Variants in HDAC9 observed in about 807,000 individuals in gnomAD.
HDAC9 encodes the protein MEF-2 interacting transcription repressor (MITR) protein.
A neutral mutation model predicts 139.4 loss-of-function variants in HDAC9; 41 were observed. That is an observed-to-expected ratio of 0.29 (90% CI 0.23 to 0.38). HDAC9 has a LOEUF of 0.38. Among genes scored for constraint, HDAC9 ranks in the 10% least tolerant of loss-of-function variants. The pLI is 1.00. For synonymous variants in HDAC9, 517 were observed against 476.2 expected (o/e 1.09, Z -1.12); for missense variants, 1,147 against 1,297.0 (o/e 0.88, Z 1.78).
At chr7:18,489,838 G>T (rs528736957) in intron 1 of HDAC9, among the ~76,000 whole-genome samples, 1 of 152,104 alleles carries the variant, frequency 6.6e-6, no homozygotes, top group South Asian at 2.1e-4. Context: ...CTTGAGTGCT[G>T]CAGAGAGGGG....
At chr7:18,457,447 G>C (rs1793442382) in intron 1 of HDAC9, among the ~76,000 whole-genome samples, 1 of 152,044 alleles carries the variant, frequency 6.6e-6, no homozygotes, top group Non-Finnish European at 1.5e-5. Flanking sequence ...AATTTGATTT[G>C]CCTTCAAAAT....
intron 2 of HDAC9, among the ~76,000 whole-genome samples, chr7:18,272,498 G>C (rs1176625879): frequency 6.6e-6 from 1 of 152,052 alleles, no homozygotes; most frequent in Non-Finnish European, 1.5e-5. Context: ...TGTTTAATGA[G>C]ATGTGTATAG....
At chr7:18,178,140 G>T (rs936483158) in intron 2 of HDAC9, among the ~76,000 whole-genome samples, 2 of 149,608 alleles carry the variant, frequency 1.3e-5, no homozygotes, top group African/African-American at 4.9e-5. Flanking sequence ...CTGGAGTGCA[G>T]TGGCACAATC....
chr7:18,451,507 T>G (rs1379141497), intron 1 of HDAC9, among the ~76,000 whole-genome samples: 3 of 151,548 alleles, frequency 2.0e-5, no homozygotes, highest in Admixed American at 2.0e-4. Flanking sequence ...TAGATAGATA[T>G]GCATAAATAA....
chr7:18,171,372 A>G (rs1788426147), intron 2 of HDAC9, among the ~76,000 whole-genome samples: 2 of 152,170 alleles, frequency 1.3e-5, no homozygotes, highest in Admixed American at 6.5e-5. Flanking sequence ...TTCTAAATAT[A>G]CAATCATGTC....
chr7:18,904,818 G>T (rs1239276418), intron 22 of HDAC9, among the ~76,000 whole-genome samples: 1 of 151,652 alleles, frequency 6.6e-6, no homozygotes. Context: ...CTCGTGATCC[G>T]CCCGCCTCGG....
chr7:18,550,300 T>G (rs900304425), intron 2 of HDAC9, among the ~76,000 whole-genome samples: 1 of 152,196 alleles, frequency 6.6e-6, no homozygotes, highest in Non-Finnish European at 1.5e-5. Context: ...CGATCCCATT[T>G]TTTTCGTTCC....
At chr7:18,760,770 T>C (rs139323452) in intron 14 of HDAC9, among the ~76,000 whole-genome samples, 110 of 152,336 alleles carry the variant, frequency 7.2e-4, no homozygotes, top group African/African-American at 2.6e-3. Flanking sequence ...ATCATTTATT[T>C]TCAGTGACAA....
At chr7:18,929,156 C>A (rs1370816042) in intron 22 of HDAC9, among the ~76,000 whole-genome samples, 1 of 151,902 alleles carries the variant, frequency 6.6e-6, no homozygotes, top group East Asian at 1.9e-4. Flanking sequence ...AATCTTTGAG[C>A]CTTCTTAGAG....
chr7:18,665,519 T>G (rs1462671735), intron 11 of HDAC9, among the ~76,000 whole-genome samples: 2 of 152,186 alleles, frequency 1.3e-5, no homozygotes, highest in African/African-American at 4.8e-5. Flanking sequence ...ATAAAATGTC[T>G]AAATAATGAT....
At chr7:18,274,096 C>T (rs571612535) in intron 2 of HDAC9, among the ~76,000 whole-genome samples, 3 of 152,152 alleles carry the variant, frequency 2.0e-5, no homozygotes, top group South Asian at 4.1e-4. Context: ...GATACCTTCT[C>T]ATATGTATAC....
chr7:18,382,856 A>G (rs995959092), intron 1 of HDAC9, among the ~76,000 whole-genome samples: 4 of 152,254 alleles, frequency 2.6e-5, no homozygotes, highest in African/African-American at 9.6e-5. Flanking sequence ...GAAGTATAGA[A>G]CATGAAATAT....
intron 6 of HDAC9, among the ~76,000 whole-genome samples, chr7:18,600,007 G>A (rs929281306): frequency 6.6e-6 from 1 of 151,122 alleles, no homozygotes; most frequent in African/African-American, 2.4e-5. Context: ...ATTCTAATAC[G>A]TATGTAGTGG....
At chr7:18,375,485 CA>C (rs199860124) in intron 1 of HDAC9, among the ~76,000 whole-genome samples, 7 of 147,132 alleles carry the variant, frequency 4.8e-5, no homozygotes, top group East Asian at 2.0e-4. Context: ...ACAACAACAA[CA>C]AAAAAAAAAC....
At chr7:18,628,314 T>C (rs1331885764) in intron 6 of HDAC9, among the ~76,000 whole-genome samples, 2 of 152,162 alleles carry the variant, frequency 1.3e-5, no homozygotes, top group Admixed American at 1.3e-4. Context: ...TGTCTGTCTG[T>C]TTTGGTTTCC....
chr7:18,171,674 T>G (rs760597813), intron 2 of HDAC9, among the ~76,000 whole-genome samples: 3 of 152,180 alleles, frequency 2.0e-5, no homozygotes, highest in African/African-American at 4.8e-5. Flanking sequence ...GAATTTTGTC[T>G]AAGGCCTTTT....
At chr7:18,366,423 C>T (rs373597206) in intron 1 of HDAC9, among the ~76,000 whole-genome samples, 13 of 152,206 alleles carry the variant, frequency 8.5e-5, no homozygotes, top group East Asian at 5.8e-4. Flanking sequence ...GAATTTGCAC[C>T]GGTAGAATTT....
intron 22 of HDAC9, among the ~76,000 whole-genome samples, chr7:18,888,179 T>C (rs1800336692): frequency 6.6e-6 from 1 of 152,122 alleles, no homozygotes; most frequent in Admixed American, 6.5e-5. Context: ...CCCAGCACTT[T>C]GGGAGGCCGA....
At chr7:18,316,654 T>G (rs868471196) in intron 1 of HDAC9, among the ~76,000 whole-genome samples, 106 of 81,200 alleles carry the variant, frequency 1.3e-3, no homozygotes, top group Middle Eastern at 0.012. Flanking sequence ...AAAAAAAAAT[T>G]GGCTGGGTGT....
Sources: gnomAD v4.1 joint callset for allele counts (sites outside exome capture counted in the v4.1 genomes callset) on GRCh38, gnomAD v4.1.1 for gene constraint, MANE v1.5 for transcripts, NCBI Gene and HGNC (gene_info 2026-07-23, HGNC 2026-07-21) for gene names.